The following SLC14A2 variants were observed in gnomAD, a reference collection of about 807,000 sequenced individuals.
The protein encoded by SLC14A2 is solute carrier family 14 member 2, also known as urea transporter 2.
A neutral mutation model predicts 104.6 loss-of-function variants in SLC14A2; 91 were observed. The ratio of observed to expected loss-of-function variants is 0.87; its 90% CI spans 0.73 to 1.04. The LOEUF (loss-of-function observed/expected upper bound fraction) is 1.04. SLC14A2 is among the 50% of genes least tolerant of loss of function. SLC14A2 has a pLI of 0.00. For synonymous variants in SLC14A2, 476 were observed against 466.4 expected, an observed-to-expected ratio of 1.02 and a Z score of -0.27; for missense variants, 1,189 against 1,156.0, an observed-to-expected ratio of 1.03 and a Z score of -0.41.
At chr18:45,544,378 G>T (rs7231345) in intron 2 of SLC14A2, among the ~76,000 whole-genome samples, 14,336 of 152,060 alleles carry the variant, frequency 0.094, 795 homozygotes, top group Non-Finnish European at 0.12. Context: ...TAATATATAG[G>T]ATCTCTCTCC....
At chr18:45,299,915 G>A (rs1230786272) in intron 1 of SLC14A2, among the ~76,000 whole-genome samples, 1 of 152,154 alleles carries the variant, frequency 6.6e-6, no homozygotes, top group Non-Finnish European at 1.5e-5. Context: ...GTCCCCATTG[G>A]TGCTGATGCT....
intron 5 of SLC14A2, among the ~76,000 whole-genome samples, chr18:45,633,143 A>G: frequency 6.6e-6 from 1 of 152,218 alleles, no homozygotes. Context: ...TACATTTGCC[A>G]TCAGTTTATG....
chr18:45,369,777 C>T (rs2085703134), intron 1 of SLC14A2, among the ~76,000 whole-genome samples: 1 of 152,120 alleles, frequency 6.6e-6, no homozygotes, highest in Non-Finnish European at 1.5e-5. Flanking sequence ...TCTGAGAATA[C>T]AACGAGAAGC....
chr18:45,268,594 G>A (rs1409288277), intron 1 of SLC14A2, among the ~76,000 whole-genome samples: 4 of 152,190 alleles, frequency 2.6e-5, no homozygotes, highest in Admixed American at 1.3e-4. Context: ...ACGGTTACAT[G>A]AAGTCTAAAT....
At chr18:45,494,138 G>C (rs1338733363) in intron 2 of SLC14A2, among the ~76,000 whole-genome samples, 1 of 152,198 alleles carries the variant, frequency 6.6e-6, no homozygotes, top group Non-Finnish European at 1.5e-5. Context: ...GGGTGATCTG[G>C]AGACCAGGAA....
At chr18:45,628,000 CAAAAAAAAAA>C (rs58009345) in intron 4 of SLC14A2, among the ~76,000 whole-genome samples, 1 of 83,598 alleles carries the variant, frequency 1.2e-5, no homozygotes. Flanking sequence ...AAGACTTTCT[CAAAAAAAAAA>C]AAAAAAAAAA....
At chr18:45,451,046 C>T (rs2086849277) in intron 1 of SLC14A2, among the ~76,000 whole-genome samples, 1 of 152,188 alleles carries the variant, frequency 6.6e-6, no homozygotes, top group South Asian at 2.1e-4. Context: ...AGGACTGCTC[C>T]TGAGGAGTAA....
chr18:45,202,248 G>A, the SLC14A2 span, among the ~76,000 whole-genome samples: 32 of 152,142 alleles, frequency 2.1e-4, no homozygotes, highest in African/African-American at 7.5e-4. Flanking sequence ...AAAGCCCAAA[G>A]GACAGCATGC....
chr18:45,537,001 G>A (rs1179741481), intron 2 of SLC14A2, among the ~76,000 whole-genome samples: 1 of 138,122 alleles, frequency 7.2e-6, no homozygotes, highest in Non-Finnish European at 1.5e-5. Flanking sequence ...CTCTCATCGG[G>A]TGGTTCGTCC....
upstream of SLC14A2, among the ~76,000 whole-genome samples, chr18:45,211,199 A>G (rs996539640): frequency 2.0e-5 from 3 of 152,200 alleles, no homozygotes; most frequent in African/African-American, 4.8e-5. Context: ...TGCAGCCAAA[A>G]AGTCAATTTC....
chr18:45,476,634 G>A (rs2612556), intron 1 of SLC14A2, among the ~76,000 whole-genome samples: 29,354 of 151,974 alleles, frequency 0.19, 3,354 homozygotes, highest in Non-Finnish European at 0.26. Context: ...ACGTAGGTTT[G>A]GTCTTTTCAC....
chr18:45,535,556 T>C (rs1193975907), intron 2 of SLC14A2, among the ~76,000 whole-genome samples: 6 of 152,112 alleles, frequency 3.9e-5, no homozygotes, highest in Non-Finnish European at 8.8e-5. Context: ...TTGTCTAAGA[T>C]TGTGCAAAGA....
In SLC14A2 at chr18:45,539,375, G is replaced by T. The variant is rs902987654; in HGVS notation, c.-35+56053G>T. ...CATGCTTCTAGAAACCCACCTGCCA[G>T]GACAGAGGATGCTCACTGCCATCAC... is the stretch of plus-strand genomic sequence containing the variant. On this transcript the variant is annotated intron_variant, in intron 2 of 20. Transcript: ENST00000586448. Among the ~76,000 whole-genome samples, 4 of 152,336 alleles carry T rather than the reference G, an allele frequency of 2.6e-5. No homozygotes were observed. The East Asian group carries it at 7.7e-4, about 29-fold the overall frequency.
intron 1 of SLC14A2, among the ~76,000 whole-genome samples, chr18:45,330,318 A>T (rs577675478): frequency 6.6e-5 from 10 of 152,318 alleles, no homozygotes; most frequent in African/African-American, 2.4e-4. Flanking sequence ...GTCCAGCTGG[A>T]CTTGAAATTG....
intron 2 of SLC14A2, among the ~76,000 whole-genome samples, chr18:45,572,970 C>CAGTT (rs1208380170): frequency 6.6e-6 from 1 of 152,152 alleles, no homozygotes; most frequent in Non-Finnish European, 1.5e-5. Flanking sequence ...ACCATGTTGG[C>CAGTT]AGTTAAAAAA....
At chr18:45,568,729 C>T (rs1460853409) in intron 2 of SLC14A2, among the ~76,000 whole-genome samples, 1 of 152,208 alleles carries the variant, frequency 6.6e-6, no homozygotes, top group Non-Finnish European at 1.5e-5. Context: ...GAGGCCAGCA[C>T]CTACCTATGT....
intron 1 of SLC14A2, among the ~76,000 whole-genome samples, chr18:45,401,821 A>G (rs1037213399): frequency 2.0e-5 from 3 of 152,192 alleles, no homozygotes; most frequent in African/African-American, 7.2e-5. Flanking sequence ...TACACTCCCT[A>G]AGACCACTGG....
chr18:45,682,498 T>C lies in SLC14A2; in HGVS notation c.2742T>C (p.Tyr914=). 1 of 1,614,090 alleles carries C rather than the reference T, an allele frequency of 6.2e-7. No individual in the cohort carries two copies. The highest frequency in any genetic ancestry group is 8.5e-7 in the Non-Finnish European group (1 of 1,179,936). The change falls in exon 20 of 20, where the codon TAT becomes TAC. Residue 914 remains tyrosine, a synonymous_variant. Coordinates refer to ENST00000255226, the MANE Select transcript of SLC14A2 (RefSeq NM_007163.4). ...RNRRASIITK[Y]QAYDVS ...GAAGGGCATCAATCATAACAAAGTA[T>C]CAGGCCTACGATGTCTCCTAAGTTT...
At chr18:45,605,165 G>A (rs1308890076) in intron 2 of SLC14A2, among the ~76,000 whole-genome samples, 1 of 152,156 alleles carries the variant, frequency 6.6e-6, no homozygotes, top group African/African-American at 2.4e-5. Context: ...TGATCTTCAC[G>A]CACGGTAGAC....
Sources: gnomAD v4.1 joint callset for allele counts (sites outside exome capture counted in the v4.1 genomes callset) on GRCh38, gnomAD v4.1.1 for gene constraint, MANE v1.5 for transcripts, NCBI Gene and HGNC (gene_info 2026-07-23, HGNC 2026-07-21) for gene names.